EPHB1: variants seen among roughly 807,000 people sequenced by gnomAD.
The protein encoded by EPHB1 is EPH receptor B1.
Under a neutral mutation model 94.4 loss-of-function variants are expected in EPHB1, and 30 were observed. The observed-to-expected ratio is 0.32, with a 90% CI of 0.24 to 0.43. EPHB1 has a LOEUF of 0.43. Among genes scored for constraint, EPHB1 ranks in the 20% least tolerant of loss-of-function variants. The probability of loss-of-function intolerance (pLI) is 1.00; values close to 1 mark genes in which losing one functional copy is unlikely to be tolerated. For synonymous variants in EPHB1, 522 were observed against 489.1 expected, an observed-to-expected ratio of 1.07 and a Z score of -0.89; for missense variants, 1,055 against 1,308.3, an observed-to-expected ratio of 0.81 and a Z score of 2.99.
At chr3:135,010,857 C>T (rs1194476878) in intron 3 of EPHB1, among the ~76,000 whole-genome samples, 5 of 151,984 alleles carry the variant, frequency 3.3e-5, no homozygotes, top group East Asian at 3.9e-4. Flanking sequence ...CCACCGTGCC[C>T]GGCCGAGGGT....
intron 1 of EPHB1, among the ~76,000 whole-genome samples, chr3:134,867,472 AG>A (rs1220339205): frequency 2.6e-5 from 4 of 152,264 alleles, no homozygotes; most frequent in Admixed American, 2.0e-4. Flanking sequence ...GCAGGGGCCA[AG>A]TAGGAGGCTG....
At chr3:135,097,549 G>A (rs558623623) in intron 3 of EPHB1, among the ~76,000 whole-genome samples, 8 of 152,080 alleles carry the variant, frequency 5.3e-5, no homozygotes, top group Admixed American at 3.3e-4. Context: ...CCCCACCCTG[G>A]CCCACCTCTT....
chr3:134,797,505 CAG>C (rs1054266637), intron 1 of EPHB1, among the ~76,000 whole-genome samples: 6 of 152,230 alleles, frequency 3.9e-5, no homozygotes, highest in Non-Finnish European at 8.8e-5. Context: ...GGCCGGGTCT[CAG>C]AGGAGATGGG....
intron 4 of EPHB1, among the ~76,000 whole-genome samples, chr3:135,122,865 C>G (rs543667953): frequency 3.3e-5 from 5 of 152,310 alleles, no homozygotes. Context: ...ATCATTTCTT[C>G]TTATTACTAA....
At chr3:134,859,454 G>C (rs1308828061) in intron 1 of EPHB1, among the ~76,000 whole-genome samples, 2 of 152,160 alleles carry the variant, frequency 1.3e-5, no homozygotes, top group Admixed American at 6.5e-5. Flanking sequence ...AGCAGATCTG[G>C]GTCCTGATCT....
intron 2 of EPHB1, among the ~76,000 whole-genome samples, chr3:134,948,540 GA>G (rs150861513): frequency 0.03 from 4,573 of 152,284 alleles, 96 homozygotes; most frequent in Middle Eastern, 0.078. Flanking sequence ...CAAGAAGGCA[GA>G]AAAAGTGGTT....
intron 1 of EPHB1, among the ~76,000 whole-genome samples, chr3:134,819,046 A>T (rs6439524): frequency 0.63 from 95,921 of 152,078 alleles, 33,339 homozygotes; most frequent in East Asian, 0.84. Context: ...AAAGGTTAGT[A>T]GCCAGTTTAT....
Position 135,249,466 on chromosome 3 carries a change from C to A in EPHB1, c.2821C>A (p.Gln941Lys). The change falls in exon 15 of 16, where the codon CAG (glutamine) becomes AAG (lysine). Residue 941 changes from glutamine (Q) to lysine (K), a missense_variant. Coordinates refer to ENST00000398015, the MANE Select transcript of EPHB1 (RefSeq NM_004441.5). Reference sequence around the variant, plus strand: ...CCTCACTGCTGGCTTCACCTCCCTCCAGCTGGTCACCCAGATGACATCAGA... The same window carrying A: ...CCTCACTGCTGGCTTCACCTCCCTCAAGCTGGTCACCCAGATGACATCAGA... The part of the protein sequence containing the change: ...SFLTAGFTSL[Q>K]LVTQMTSEDL... 1 of 1,613,938 alleles carries A rather than the reference C, an allele frequency of 6.2e-7. No homozygotes were observed. The highest frequency in any genetic ancestry group is 1.7e-5 in the Admixed American group (1 of 60,028).
rs186088194 is a variant in EPHB1 at position 134,910,643 on chromosome 3, G to A, written c.59-15173G>A. On this transcript the variant is annotated intron_variant, in intron 1 of 15. Coordinates refer to ENST00000398015, the MANE Select transcript of EPHB1 (RefSeq NM_004441.5). ...GGACATGCATTCCCTGACAAGAAGG[G>A]GTAGAATGGCAAAAGGTTCATTCCT... 1.9e-3 allele frequency among the ~76,000 whole-genome samples: 284 copies of A among 152,312 alleles called. 1 individual carries two copies. The highest frequency in any genetic ancestry group is 6.3e-3 in the African/African-American group (263 of 41,566).
At chr3:135,047,417 C>T (rs1020939233) in intron 3 of EPHB1, among the ~76,000 whole-genome samples, 4 of 152,196 alleles carry the variant, frequency 2.6e-5, no homozygotes, top group Non-Finnish European at 5.9e-5. Context: ...TCAGAGGACC[C>T]ATTCCCGTGA....
chr3:134,983,236 G>A (rs751120435), intron 3 of EPHB1, among the ~76,000 whole-genome samples: 1 of 152,212 alleles, frequency 6.6e-6, no homozygotes, highest in Non-Finnish European at 1.5e-5. Context: ...GCATGTGTGT[G>A]TATGTCTATG....
chr3:134,971,411 T>C (rs1013162401), intron 3 of EPHB1, among the ~76,000 whole-genome samples: 1 of 152,206 alleles, frequency 6.6e-6, no homozygotes, highest in African/African-American at 2.4e-5. Flanking sequence ...TCAGTCTCCC[T>C]GGGTTCTGCT....
chr3:135,033,136 T>G (rs2107761711), intron 3 of EPHB1, among the ~76,000 whole-genome samples: 2 of 152,296 alleles, frequency 1.3e-5, no homozygotes, highest in South Asian at 4.1e-4. Context: ...TAATAACTGA[T>G]GGACTTCAAT....
At chr3:135,187,009 G>A (rs1942346085) in intron 10 of EPHB1, among the ~76,000 whole-genome samples, 1 of 152,142 alleles carries the variant, frequency 6.6e-6, no homozygotes, top group South Asian at 2.1e-4. Context: ...GGTGGGTTTT[G>A]GGAAAGTGCA....
At chr3:135,125,261 C>G (rs775497902) in intron 4 of EPHB1, among the ~76,000 whole-genome samples, 3 of 151,668 alleles carry the variant, frequency 2.0e-5, no homozygotes, top group Non-Finnish European at 4.4e-5. Context: ...AACAGGGCAA[C>G]TCTTGCACCA....
At chr3:134,989,673 T>A (rs1934729410) in intron 3 of EPHB1, among the ~76,000 whole-genome samples, 2 of 152,176 alleles carry the variant, frequency 1.3e-5, no homozygotes, top group Non-Finnish European at 2.9e-5. Flanking sequence ...ATCACGGTAA[T>A]CTTTAACACA....
chr3:134,886,589 C>T (rs2037867141), intron 1 of EPHB1, among the ~76,000 whole-genome samples: 2 of 152,260 alleles, frequency 1.3e-5, no homozygotes, highest in Non-Finnish European at 1.5e-5. Context: ...GCTTTCCTTC[C>T]TGTAAATAAT....
At chr3:135,229,547 G>A (rs79398911) in intron 12 of EPHB1, among the ~76,000 whole-genome samples, 8 of 152,104 alleles carry the variant, frequency 5.3e-5, no homozygotes, top group Non-Finnish European at 1.2e-4. Context: ...CTCTTAAAAC[G>A]GGTTGCCATA....
intron 3 of EPHB1, among the ~76,000 whole-genome samples, chr3:135,042,025 C>T (rs774150467): frequency 3.3e-5 from 5 of 152,222 alleles, no homozygotes; most frequent in Admixed American, 1.3e-4. Flanking sequence ...GCCCCGATCT[C>T]CTGGGCAGTC....
Sources: allele counts gnomAD v4.1 joint callset (sites outside exome capture counted in the v4.1 genomes callset), GRCh38; gene constraint gnomAD v4.1.1; transcripts MANE v1.5; gene names NCBI Gene and HGNC (gene_info 2026-07-23, HGNC 2026-07-21).